Variants in CUL1 observed in about 807,000 individuals in gnomAD.
The protein encoded by CUL1 is cullin 1.
Under a neutral mutation model 118.0 loss-of-function variants are expected in CUL1, and 24 were observed. The observed-to-expected ratio is 0.20, with a 90% CI of 0.15 to 0.29. The LOEUF is 0.29. CUL1 is among the 10% of genes least tolerant of loss of function. The pLI is 1.00. For synonymous variants in CUL1, 332 were observed against 340.4 expected, an observed-to-expected ratio of 0.98 and a Z score of 0.27; for missense variants, 361 against 933.8, an observed-to-expected ratio of 0.39 and a Z score of 7.99.
Position 148,800,397 on chromosome 7 carries a change from C to CGA in CUL1, c.2251-104_2251-103dup. ...GGGGACACTGCTCCCCACTGAGCTC[C>CGA]GAATCAGGGGAGATTTGTGGTGGGG... On this transcript the variant is annotated intron_variant, in intron 21 of 21. Coordinates refer to ENST00000325222, the MANE Select transcript of CUL1 (RefSeq NM_003592.3). This position sits in a 1 kb window ranked among gnomAD's most constrained non-coding sequence, Gnocchi z 4.6. 1 of 884,612 alleles carries CGA rather than the reference C, an allele frequency of 1.1e-6. No homozygotes were observed. The highest frequency in any genetic ancestry group is 1.8e-6 in the Non-Finnish European group (1 of 548,464). The allele number at this position is 884,612 out of a possible 1,614,324, so 54.8% of individuals were successfully genotyped here.
chr7:148,738,163 G>A (rs1391800896), intron 2 of CUL1, among the ~76,000 whole-genome samples: 2 of 152,220 alleles, frequency 1.3e-5, no homozygotes, highest in African/African-American at 4.8e-5. Flanking sequence ...GCATGGTGCT[G>A]TGGGTAACAG....
intron 11 of CUL1, among the ~76,000 whole-genome samples, 199 bp from the exon 12 acceptor site, chr7:148,786,352 C>G (rs1052993003): frequency 1.2e-4 from 18 of 152,206 alleles, no homozygotes; most frequent in East Asian, 9.6e-4. Flanking sequence ...ATGACTACTT[C>G]ATAATCTGTT....
chr7:148,797,431 A>ATTC (rs1801241448), intron 17 of CUL1, among the ~76,000 whole-genome samples: 2 of 150,124 alleles, frequency 1.3e-5, no homozygotes, highest in African/African-American at 4.9e-5. Flanking sequence ...GGCGCAGTTG[A>ATTC]AATTTCGGAT....
rs758784054 is a variant in CUL1 at position 148,789,837 on chromosome 7, G to A, written c.1674+11G>A. ...GCCTTGCCGTCAGAGGTAAGGATGG[G>A]TTTGTCTGCCATCCCATTAGTGCTA... On this transcript the variant is annotated intron_variant, in intron 15 of 21. Transcript: ENST00000325222. 3 of 1,612,742 alleles carry A rather than the reference G, an allele frequency of 1.9e-6. No homozygotes were observed. The highest frequency in any genetic ancestry group is 1.1e-5 in the South Asian group (1 of 91,044).
At chr7:148,737,798 A>T (rs1022856282) in intron 2 of CUL1, among the ~76,000 whole-genome samples, 1 of 151,712 alleles carries the variant, frequency 6.6e-6, no homozygotes, top group South Asian at 2.1e-4. Context: ...ACGGGGTTTC[A>T]TGTTAGCCAG....
intron 2 of CUL1, among the ~76,000 whole-genome samples, chr7:148,738,763 T>C (rs1176712660): frequency 6.6e-6 from 1 of 152,238 alleles, no homozygotes. Flanking sequence ...CTTTTTCTTA[T>C]TTCATCTTAA....
At chr7:148,708,991 T>C (rs1464672263) in intron 1 of CUL1, among the ~76,000 whole-genome samples, 96 of 152,254 alleles carry the variant, frequency 6.3e-4, no homozygotes, top group Non-Finnish European at 5.9e-5. Context: ...TAAAGTTTTG[T>C]TTCAAAAATA....
At chr7:148,761,163 C>T (rs1369502585) in intron 7 of CUL1, among the ~76,000 whole-genome samples, 9 of 152,056 alleles carry the variant, frequency 5.9e-5, no homozygotes, top group Admixed American at 2.0e-4. Flanking sequence ...AACCATGGCC[C>T]GCTGATAATA....
chr7:148,791,637 C>T (rs1322030013), intron 16 of CUL1, among the ~76,000 whole-genome samples: 1 of 152,234 alleles, frequency 6.6e-6, no homozygotes, highest in East Asian at 1.9e-4. Context: ...ACGCTCGTTC[C>T]CTTGTATCTC....
chr7:148,781,536 G>A (rs1800633088), intron 9 of CUL1, among the ~76,000 whole-genome samples: 1 of 152,168 alleles, frequency 6.6e-6, no homozygotes, highest in South Asian at 2.1e-4. Flanking sequence ...GTTGTTCCTG[G>A]CATTCCTTGG....
At chr7:148,726,770 A>G (rs1798597328) in intron 1 of CUL1, among the ~76,000 whole-genome samples, 1 of 152,006 alleles carries the variant, frequency 6.6e-6, no homozygotes, top group Admixed American at 6.6e-5. Flanking sequence ...GCTCTTAAGA[A>G]CAAATGCTTT....
In CUL1 at chr7:148,792,672, G is replaced by A. The variant is rs927474361; in HGVS notation, c.1807-54G>A. ...ACTTGGGCTGTATATTTTGGGAGGT[G>A]TTTCCATGCATGTAAATTTTCCTTC... On this transcript the variant is annotated intron_variant, in intron 16 of 21. Transcript: ENST00000325222. The A allele has an allele frequency of 9.9e-6, 13 of 1,311,392 alleles. No individual in the cohort carries two copies. The East Asian group carries it at 2.7e-4, about 27-fold the overall frequency. The allele number at this position is 1,311,392 out of a possible 1,614,324, so 81.2% of individuals were successfully genotyped here.
chr7:148,752,735 G>T (rs1442864361), intron 2 of CUL1, among the ~76,000 whole-genome samples: 1 of 152,110 alleles, frequency 6.6e-6, no homozygotes, highest in African/African-American at 2.4e-5. Context: ...TGCAAGCTCC[G>T]CCTCCCGGGT....
At chr7:148,743,192 C>T (rs1799199850) in intron 2 of CUL1, among the ~76,000 whole-genome samples, 1 of 152,146 alleles carries the variant, frequency 6.6e-6, no homozygotes. Context: ...AGAAAATAGC[C>T]TATCTTGGTG....
At chr7:148,721,789 T>C (rs926759934) in intron 1 of CUL1, among the ~76,000 whole-genome samples, 3 of 152,150 alleles carry the variant, frequency 2.0e-5, no homozygotes, top group Non-Finnish European at 4.4e-5. Flanking sequence ...AGTTGGCTCA[T>C]TTTGTGTGGT....
At chr7:148,764,436 A>T (rs904761377) in intron 7 of CUL1, among the ~76,000 whole-genome samples, 1 of 152,182 alleles carries the variant, frequency 6.6e-6, no homozygotes, top group Non-Finnish European at 1.5e-5. Flanking sequence ...ATGTTTCTGT[A>T]ATCACCTAGG....
intron 9 of CUL1, among the ~76,000 whole-genome samples, chr7:148,780,589 G>C (rs992690998): frequency 6.6e-6 from 1 of 152,206 alleles, no homozygotes; most frequent in Non-Finnish European, 1.5e-5. Context: ...ATAGGCTTTG[G>C]AAATCCCATG....
At chr7:148,782,953 T>G (rs576278715) in intron 9 of CUL1, among the ~76,000 whole-genome samples, 1 of 152,030 alleles carries the variant, frequency 6.6e-6, no homozygotes, top group South Asian at 2.1e-4. Context: ...CCTGCCACCA[T>G]TTCCTGGCAG....
At chr7:148,706,840 A>G (rs958790121) in intron 1 of CUL1, among the ~76,000 whole-genome samples, 2 of 151,978 alleles carry the variant, frequency 1.3e-5, no homozygotes, top group African/African-American at 4.8e-5. Flanking sequence ...TACTTGTTTT[A>G]CTGCATTTTC....
Sources: allele counts gnomAD v4.1 joint callset (sites outside exome capture counted in the v4.1 genomes callset), GRCh38; gene constraint gnomAD v4.1.1; non-coding constraint Gnocchi (gnomAD v3.1); transcripts MANE v1.5; gene names NCBI Gene and HGNC (gene_info 2026-07-23, HGNC 2026-07-21).